Variants in ABCD2 observed in about 807,000 individuals in gnomAD.
ABCD2 encodes the protein ATP binding cassette subfamily D member 2.
In ABCD2, 36 loss-of-function variants were observed where a neutral mutation model predicts 70.9. The ratio of observed to expected loss-of-function variants is 0.51; its 90% CI spans 0.39 to 0.67. The LOEUF is 0.67. ABCD2 is among the 30% of genes least tolerant of loss of function. The pLI, the probability that ABCD2 is intolerant of heterozygous loss-of-function variation, is 0.00. For missense variants in ABCD2, 729 were observed against 890.2 expected, an observed-to-expected ratio of 0.82 and a Z score of 2.30; for synonymous variants, 304 against 306.9, an observed-to-expected ratio of 0.99 and a Z score of 0.10.
the ABCD2 span, among the ~76,000 whole-genome samples, chr12:39,543,780 T>A: frequency 2.6e-5 from 4 of 152,206 alleles, no homozygotes; most frequent in African/African-American, 9.6e-5. Flanking sequence ...AATACTTTAT[T>A]TATGGATTCA....
chr12:39,556,345 A>G (rs368618473), intron 9 of ABCD2, among the ~76,000 whole-genome samples: 4 of 152,152 alleles, frequency 2.6e-5, no homozygotes, highest in South Asian at 4.1e-4. Context: ...CATAAGCCCC[A>G]TGTGTCAAGG....
intron 6 of ABCD2, among the ~76,000 whole-genome samples, chr12:39,593,324 C>T (rs1358052652): frequency 6.6e-6 from 1 of 152,154 alleles, no homozygotes. Flanking sequence ...GCAATCATGG[C>T]TCACTGCAGC....
intron 9 of ABCD2, among the ~76,000 whole-genome samples, chr12:39,561,684 C>T (rs890852799): frequency 2.6e-5 from 4 of 152,056 alleles, no homozygotes; most frequent in Admixed American, 2.0e-4. Flanking sequence ...AACCCAACAT[C>T]AGAGCACATA....
intron 9 of ABCD2, among the ~76,000 whole-genome samples, chr12:39,572,321 T>C (rs2120589399): frequency 6.6e-6 from 1 of 152,242 alleles, no homozygotes; most frequent in South Asian, 2.1e-4. Flanking sequence ...CAAAAAGGGC[T>C]CAAGAGTACT....
chr12:39,586,325 C>T lies in ABCD2; in HGVS notation c.1647-28G>A, dbSNP rs373400048. 1.4e-5 allele frequency: 22 copies of T among 1,597,094 alleles called. No homozygotes were observed. The African/African-American group carries it at 2.3e-4, about 17-fold the overall frequency. On this transcript the variant is annotated intron_variant, in intron 6 of 9. Transcript: ENST00000308666. ...TTAAAACACCAAGCACACAAGAATCCTAGTGGAAAGTCATGATAACTTACT... is the reference window on the plus strand; with the variant it reads ...TTAAAACACCAAGCACACAAGAATCTTAGTGGAAAGTCATGATAACTTACT...
At chr12:39,567,382 G>T (rs573073764) in intron 9 of ABCD2, among the ~76,000 whole-genome samples, 1 of 152,148 alleles carries the variant, frequency 6.6e-6, no homozygotes, top group East Asian at 1.9e-4. Context: ...TTACCATTAT[G>T]TAATGGCCTT....
At chr12:39,567,737 T>G (rs1420428973) in intron 9 of ABCD2, among the ~76,000 whole-genome samples, 1 of 152,244 alleles carries the variant, frequency 6.6e-6, no homozygotes, top group Non-Finnish European at 1.5e-5. Context: ...TCTTTACAAT[T>G]AGGCATCCTT....
chr12:39,571,894 C>A (rs1941453427), intron 9 of ABCD2, among the ~76,000 whole-genome samples: 1 of 152,072 alleles, frequency 6.6e-6, no homozygotes, highest in Non-Finnish European at 1.5e-5. Flanking sequence ...AAAAATATGA[C>A]ACATCTTTCC....
chr12:39,557,464 A>G (rs1941185790), intron 9 of ABCD2, among the ~76,000 whole-genome samples: 1 of 152,214 alleles, frequency 6.6e-6, no homozygotes, highest in Admixed American at 6.5e-5. Context: ...CAGCCTGGCG[A>G]TGCAATGGAA....
chr12:39,562,652 A>G (rs2120552115), intron 9 of ABCD2, among the ~76,000 whole-genome samples: 1 of 152,282 alleles, frequency 6.6e-6, no homozygotes, highest in Admixed American at 6.5e-5. Context: ...GAAAATGTCA[A>G]CAGACAAATA....
intron 7 of ABCD2, among the ~76,000 whole-genome samples, chr12:39,579,833 A>C (rs1022241473): frequency 2.0e-5 from 3 of 152,202 alleles, no homozygotes; most frequent in Admixed American, 6.5e-5. Flanking sequence ...TCTTATACTG[A>C]CAAATGATCT....
At chr12:39,590,234 T>C (rs537494354) in intron 6 of ABCD2, among the ~76,000 whole-genome samples, 114 of 152,314 alleles carry the variant, frequency 7.5e-4, no homozygotes, top group African/African-American at 2.6e-3. Context: ...TTTCTAGATA[T>C]ATAGACCTAT....
At chr12:39,596,463 C>T (rs74916594) in intron 6 of ABCD2, among the ~76,000 whole-genome samples, 2,977 of 152,080 alleles carry the variant, frequency 0.02, 41 homozygotes, top group South Asian at 0.041. Flanking sequence ...AAACACAATA[C>T]TCCAGCTATT....
intron 6 of ABCD2, among the ~76,000 whole-genome samples, chr12:39,591,064 T>TTAAGGCATGAGATGTGTTAAGTTTAAGAA (rs1941739245): frequency 6.6e-6 from 1 of 152,186 alleles, no homozygotes; most frequent in East Asian, 1.9e-4. Flanking sequence ...TTAACTGTAT[T>TTAAGGCATGAGATGTGTTAAGTTTAAGAA]TAAGGCATGA....
intron 5 of ABCD2, 97 bp from the exon 6 acceptor site, chr12:39,600,813 A>G (rs759505432): frequency 3.0e-5 from 35 of 1,155,886 alleles, no homozygotes; most frequent in Non-Finnish European, 3.8e-5. Flanking sequence ...GTTCGAAAAC[A>G]TGATAACCTA....
At chr12:39,554,362 T>C (rs1941130980) in intron 9 of ABCD2, among the ~76,000 whole-genome samples, 1 of 152,162 alleles carries the variant, frequency 6.6e-6, no homozygotes, top group African/African-American at 2.4e-5. Context: ...TCTGGATGTA[T>C]ATTAACTGTA....
chr12:39,538,093 A>C, the ABCD2 span, among the ~76,000 whole-genome samples: 1 of 152,018 alleles, frequency 6.6e-6, no homozygotes, highest in Non-Finnish European at 1.5e-5. Flanking sequence ...AACCCCCCAA[A>C]ATTCTGTAAT....
intron 9 of ABCD2, among the ~76,000 whole-genome samples, chr12:39,571,806 C>CTA (rs1252464147): frequency 6.6e-6 from 1 of 152,118 alleles, no homozygotes; most frequent in Non-Finnish European, 1.5e-5. Context: ...TAATAAGCTT[C>CTA]TATAAATTTT....
intron 6 of ABCD2, among the ~76,000 whole-genome samples, chr12:39,596,678 T>C (rs1033605249): frequency 2.0e-5 from 3 of 152,166 alleles, no homozygotes; most frequent in Non-Finnish European, 2.9e-5. Context: ...GCCTTAGTAT[T>C]TGGGCCTGCA....
Sources: allele counts gnomAD v4.1 joint callset (sites outside exome capture counted in the v4.1 genomes callset), GRCh38; gene constraint gnomAD v4.1.1; transcripts MANE v1.5; gene names NCBI Gene and HGNC (gene_info 2026-07-23, HGNC 2026-07-21).